The following RUNDC3B variants were observed in gnomAD, a reference collection of about 807,000 sequenced individuals.
The protein encoded by RUNDC3B is RUN domain-containing protein 3B.
A neutral mutation model predicts 58.4 loss-of-function variants in RUNDC3B; 33 were observed. The observed-to-expected ratio is 0.56, with a 90% CI of 0.43 to 0.75. The LOEUF is 0.75. RUNDC3B is among the 30% of genes least tolerant of loss of function. The pLI is 0.00. For missense variants in RUNDC3B, 501 were observed against 535.7 expected, an observed-to-expected ratio of 0.94 and a Z score of 0.64; for synonymous variants, 193 against 195.2, an observed-to-expected ratio of 0.99 and a Z score of 0.10.
In RUNDC3B at chr7:87,662,038, A is replaced by C. The variant is rs1241296290; in HGVS notation, c.238+11101A>C. ...GCACCATTTCATATACCTGTTTGCCATTTATAGGTCTTCTTTTGAGAAACA... is the reference window on the plus strand; with the variant it reads ...GCACCATTTCATATACCTGTTTGCCCTTTATAGGTCTTCTTTTGAGAAACA... On this transcript the variant is annotated intron_variant, in intron 2 of 10. Transcript: ENST00000394654. Among the ~76,000 whole-genome samples the C allele has an allele frequency of 3.9e-5, 6 of 152,194 alleles. No individual in the cohort carries two copies. In the East Asian group the frequency reaches 1.2e-3, roughly 29 times the overall value.
At chr7:87,786,742 T>C (rs1186461835) in intron 8 of RUNDC3B, among the ~76,000 whole-genome samples, 1 of 152,128 alleles carries the variant, frequency 6.6e-6, no homozygotes, top group African/African-American at 2.4e-5. Context: ...TTTAAATGGA[T>C]CACATTTATC....
At chr7:87,641,828 G>A (rs969232354) in intron 1 of RUNDC3B, among the ~76,000 whole-genome samples, 3 of 152,032 alleles carry the variant, frequency 2.0e-5, no homozygotes, top group African/African-American at 7.2e-5. Flanking sequence ...GAAGAGGTTA[G>A]GAAAACAATA....
chr7:87,821,834 C>G (rs1312936019), intron 10 of RUNDC3B, among the ~76,000 whole-genome samples: 1 of 151,540 alleles, frequency 6.6e-6, no homozygotes, highest in Non-Finnish European at 1.5e-5. Context: ...AACTGGCTAG[C>G]CATATGTAGA....
At chr7:87,681,711 AAT>A (rs1348333742) in intron 2 of RUNDC3B, among the ~76,000 whole-genome samples, 1 of 151,348 alleles carries the variant, frequency 6.6e-6, no homozygotes, top group Non-Finnish European at 1.5e-5. Flanking sequence ...TGGATATGAC[AAT>A]GTCTTAAGAC....
chr7:87,721,070 T>C (rs1338083751), intron 4 of RUNDC3B, among the ~76,000 whole-genome samples: 3 of 150,892 alleles, frequency 2.0e-5, no homozygotes, highest in Non-Finnish European at 3.0e-5. Flanking sequence ...AAATCAGAAA[T>C]GTATGCAGAC....
chr7:87,691,661 G>A (rs945038657), intron 2 of RUNDC3B, among the ~76,000 whole-genome samples: 2 of 152,076 alleles, frequency 1.3e-5, no homozygotes, highest in Admixed American at 1.3e-4. Context: ...TACTTCCTAA[G>A]GATTTACGTT....
intron 6 of RUNDC3B, among the ~76,000 whole-genome samples, chr7:87,753,721 A>G (rs762593417): frequency 2.6e-4 from 40 of 152,240 alleles, no homozygotes; most frequent in Admixed American, 4.6e-4. Context: ...TCTCTGCTAT[A>G]ACTCAAATAG....
intron 2 of RUNDC3B, among the ~76,000 whole-genome samples, chr7:87,678,901 A>G (rs910123537): frequency 1.9e-4 from 29 of 152,196 alleles, no homozygotes; most frequent in African/African-American, 7.0e-4. Flanking sequence ...GTATGTATGC[A>G]GCTGATAACA....
intron 2 of RUNDC3B, among the ~76,000 whole-genome samples, chr7:87,686,475 C>T (rs1277275159): frequency 2.0e-5 from 3 of 152,088 alleles, no homozygotes; most frequent in Admixed American, 6.6e-5. Context: ...TTTAAAATGT[C>T]ATCTGTGACT....
intron 7 of RUNDC3B, among the ~76,000 whole-genome samples, chr7:87,771,928 G>A (rs1475739751): frequency 2.0e-5 from 3 of 152,170 alleles, no homozygotes; most frequent in African/African-American, 7.2e-5. Flanking sequence ...TAGAGGAGAT[G>A]GAGACAGAAG....
intron 3 of RUNDC3B, among the ~76,000 whole-genome samples, chr7:87,706,060 G>T (rs1829556198): frequency 6.6e-6 from 1 of 151,978 alleles, no homozygotes; most frequent in African/African-American, 2.4e-5. Context: ...GCTAGATTTG[G>T]CTTTCTTAGG....
At chr7:87,715,082 G>A (rs939628258) in intron 4 of RUNDC3B, among the ~76,000 whole-genome samples, 4 of 150,288 alleles carry the variant, frequency 2.7e-5, no homozygotes, top group African/African-American at 9.8e-5. Flanking sequence ...TCCTTTCACT[G>A]TGAGCAAAAA....
intron 10 of RUNDC3B, among the ~76,000 whole-genome samples, chr7:87,819,628 T>C (rs1188545073): frequency 6.6e-6 from 1 of 152,114 alleles, no homozygotes; most frequent in African/African-American, 2.4e-5. Context: ...ATTGACCACA[T>C]AGTTGGAAGT....
chr7:87,737,829 T>C (rs1001031999), intron 4 of RUNDC3B, among the ~76,000 whole-genome samples: 1 of 152,074 alleles, frequency 6.6e-6, no homozygotes, highest in Non-Finnish European at 1.5e-5. Flanking sequence ...TCTTAAATCA[T>C]TCGCTTAGAA....
intron 6 of RUNDC3B, among the ~76,000 whole-genome samples, chr7:87,765,441 A>G (rs756469655): frequency 1.3e-5 from 2 of 152,036 alleles, no homozygotes; most frequent in Non-Finnish European, 2.9e-5. Context: ...TTAGTGCTAT[A>G]AACTTTCCTC....
At chr7:87,717,099 C>T (rs888738318) in intron 4 of RUNDC3B, among the ~76,000 whole-genome samples, 1 of 152,118 alleles carries the variant, frequency 6.6e-6, no homozygotes, top group African/African-American at 2.4e-5. Flanking sequence ...GCCTGGCCTA[C>T]TTCTATCATT....
At chr7:87,691,684 T>C (rs1242331094) in intron 2 of RUNDC3B, among the ~76,000 whole-genome samples, 2 of 152,162 alleles carry the variant, frequency 1.3e-5, no homozygotes, top group Admixed American at 6.6e-5. Flanking sequence ...ATATAAAAAA[T>C]ATTTATATTC....
chr7:87,648,853 CTAAG>C (rs1288890140), intron 1 of RUNDC3B, among the ~76,000 whole-genome samples: 1 of 151,956 alleles, frequency 6.6e-6, no homozygotes, highest in African/African-American at 2.4e-5. Context: ...TACTGCTGTG[CTAAG>C]TGAGGACTGC....
chr7:87,725,564 T>G (rs1224798278), intron 4 of RUNDC3B, among the ~76,000 whole-genome samples: 1 of 152,216 alleles, frequency 6.6e-6, no homozygotes, highest in Non-Finnish European at 1.5e-5. Context: ...TGTGCATGTG[T>G]CTTTATAGCA....
Sources: allele counts gnomAD v4.1 joint callset (sites outside exome capture counted in the v4.1 genomes callset), GRCh38; gene constraint gnomAD v4.1.1; transcripts MANE v1.5; gene names NCBI Gene and HGNC (gene_info 2026-07-23, HGNC 2026-07-21).